Variants in RNF19A observed in about 807,000 individuals in gnomAD.
The protein encoded by RNF19A is ring finger protein 19A, RBR E3 ubiquitin protein ligase.
A neutral mutation model predicts 75.7 loss-of-function variants in RNF19A; 32 were observed. That is an observed-to-expected ratio of 0.42 (90% confidence interval 0.32 to 0.57). RNF19A has a LOEUF of 0.57. Ranked by LOEUF, RNF19A falls within the 20% of genes least tolerant of loss-of-function variation. The probability of loss-of-function intolerance (pLI) is 0.10; values close to 1 mark genes in which losing one functional copy is unlikely to be tolerated. For missense variants in RNF19A, 782 were observed against 1,036.3 expected, an observed-to-expected ratio of 0.75 and a Z score of 3.37; for synonymous variants, 335 against 345.2, an observed-to-expected ratio of 0.97 and a Z score of 0.33.
chr8:100,267,820 A>C (rs147572807), intron 5 of RNF19A, among the ~76,000 whole-genome samples: 2,644 of 151,022 alleles, frequency 0.018, 40 homozygotes, highest in Non-Finnish European at 0.029. Flanking sequence ...GATTACAGGC[A>C]CCTGCCACCA....
At position 100,287,989 on chromosome 8, in the gene RNF19A, T is replaced by C; in HGVS notation, c.186A>G (p.Lys62=). The part of the protein sequence containing the change: ...SLPSVKKAPK[K]RRISIGSLFR... ...ACAGGGAGCCTATTGAAATTCTTCTTTTTTTGGGTGCCTTTTTGACTGAAG... is the reference window on the plus strand; with the variant it reads ...ACAGGGAGCCTATTGAAATTCTTCTCTTTTTGGGTGCCTTTTTGACTGAAG... Residue 62 remains lysine, a synonymous_variant, in exon 2 of 10, where the codon AAA becomes AAG. Transcript: ENST00000341084. The surrounding 1 kb of genome is among the most constrained non-coding windows in gnomAD (Gnocchi z 4.1). 2 of 1,614,160 alleles carry C rather than the reference T, an allele frequency of 1.2e-6. No homozygotes were observed.
chr8:100,279,705 T>C (rs371272682), intron 2 of RNF19A, among the ~76,000 whole-genome samples: 100 of 152,112 alleles, frequency 6.6e-4, no homozygotes, highest in African/African-American at 2.4e-3. Flanking sequence ...TTTTGTATCT[T>C]TAGTAGACAC....
chr8:100,281,226 G>T (rs1376060291), intron 2 of RNF19A, among the ~76,000 whole-genome samples: 1 of 152,204 alleles, frequency 6.6e-6, no homozygotes, highest in Non-Finnish European at 1.5e-5. Context: ...GGCTGAAACA[G>T]CAGTCTCTCC....
intron 1 of RNF19A, among the ~76,000 whole-genome samples, chr8:100,307,958 C>T (rs1193084028): frequency 6.6e-6 from 1 of 152,082 alleles, no homozygotes; most frequent in African/African-American, 2.4e-5. Context: ...GTTTAAAAAT[C>T]CCAACACTGT....
Position 100,264,565 on chromosome 8 carries a change from T to C in RNF19A, c.1306+106A>G, listed in dbSNP as rs551260047. On this transcript the variant is annotated intron_variant, in intron 6 of 9. Coordinates refer to ENST00000341084, the MANE Select transcript of RNF19A (RefSeq NM_183419.4). This position sits in a 1 kb window ranked among gnomAD's most constrained non-coding sequence, Gnocchi z 4.7. ...CTTTCAACCAAGACTTACTGCAGGC[T>C]CAATTTAAATTGTCCTCAAATTAAA... 11 of 743,580 alleles carry C rather than the reference T, an allele frequency of 1.5e-5. No individual in the cohort carries two copies. The South Asian group carries it at 1.9e-4, about 13-fold the overall frequency. The allele number at this position is 743,580 out of a possible 1,614,324, so 46.1% of individuals were successfully genotyped here. A position where few individuals can be genotyped will look rare whatever the true frequency, so the allele number is the denominator to read the frequency against.
chr8:100,284,448 T>G lies in RNF19A; in HGVS notation c.674+3053A>C, dbSNP rs1820924093. ...ATAAAATACACAAAAGTAATCTCTG[T>G]GACTTTTTTTCCTCTGTCCTTTGTG... On this transcript the variant is annotated intron_variant, in intron 2 of 9. Coordinates refer to ENST00000341084, the MANE Select transcript of RNF19A (RefSeq NM_183419.4). This position sits in a 1 kb window ranked among gnomAD's most constrained non-coding sequence, Gnocchi z 4.3. Among the ~76,000 whole-genome samples the G allele has an allele frequency of 6.6e-6, 1 of 152,170 alleles. No individual in the cohort carries two copies. Among genetic ancestry groups the G allele is most frequent in the African/African-American group, 2.4e-5 (1 of 41,458 alleles).
upstream of RNF19A, among the ~76,000 whole-genome samples, chr8:100,312,905 G>C (rs1822322085): frequency 6.6e-6 from 1 of 152,180 alleles, no homozygotes; most frequent in Non-Finnish European, 1.5e-5. Context: ...CTGGGCAATA[G>C]AGCGAGACTC....
upstream of RNF19A, among the ~76,000 whole-genome samples, chr8:100,310,935 C>A (rs550368284): frequency 3.3e-4 from 51 of 152,288 alleles, no homozygotes; most frequent in Admixed American, 2.5e-3. Context: ...GTTGAATAAA[C>A]AAATTCCGTC....
chr8:100,309,591 C>T lies in RNF19A; in HGVS notation c.-94+276G>A, dbSNP rs1312950685. 7 of 966,312 alleles carry T rather than the reference C, an allele frequency of 7.2e-6. No homozygotes were observed. In the East Asian group the frequency reaches 3.4e-4, roughly 48 times the overall value. 59.9% of individuals were successfully genotyped at this position (966,312 alleles called of 1,614,324 possible). ...AGGACAGGGCTTGGGGCGGATCCCA[C>T]GCTCCACCTCGGCCCCCGCGGCCCG... is the stretch of plus-strand genomic sequence containing the variant. On this transcript the variant is annotated intron_variant, in intron 1 of 9. Coordinates refer to ENST00000341084, the MANE Select transcript of RNF19A (RefSeq NM_183419.4).
intron 3 of RNF19A, among the ~76,000 whole-genome samples, chr8:100,271,183 G>T: frequency 6.7e-6 from 1 of 149,368 alleles, no homozygotes; most frequent in African/African-American, 2.5e-5. Flanking sequence ...CTTAAGATCT[G>T]GTCAATGCTC....
intron 5 of RNF19A, 47 bp downstream of exon 5, chr8:100,268,738 A>G (rs1205620733): frequency 1.5e-6 from 2 of 1,336,638 alleles, no homozygotes; most frequent in Non-Finnish European, 2.0e-6. Context: ...GAATACACCT[A>G]AAGATTTAGA....
intron 2 of RNF19A, among the ~76,000 whole-genome samples, chr8:100,276,700 G>T (rs1347960424): frequency 2.1e-5 from 3 of 139,700 alleles, no homozygotes; most frequent in Non-Finnish European, 4.5e-5. Flanking sequence ...AGGCTGCAGT[G>T]AGCCAAGATC....
rs1422187377 is a variant in RNF19A, at chr8:100,325,563, C to T, written c.-243+10545G>A. Among the ~76,000 whole-genome samples, 1 of 152,132 alleles carries T rather than the reference C, an allele frequency of 6.6e-6. No individual in the cohort carries two copies. Among genetic ancestry groups the T allele is most frequent in the Non-Finnish European group, 1.5e-5 (1 of 68,022 alleles). ...AGGAATTTGGATCTAGTTCTCTGCC[C>T]TCAGCAGCACCACACCTCTAGCCTA... On this transcript the variant is annotated intron_variant, in intron 1 of 3. Transcript: ENST00000519527. This position sits in a 1 kb window ranked among gnomAD's most constrained non-coding sequence, Gnocchi z 4.3.
chr8:100,259,376 G>A lies in RNF19A; in HGVS notation c.1827-130C>T. The A allele has an allele frequency of 1.5e-6, 1 of 680,822 alleles. No homozygotes were observed. The highest frequency in any genetic ancestry group is 2.5e-6 in the Non-Finnish European group (1 of 404,926). 42.2% of individuals were successfully genotyped at this position (680,822 alleles called of 1,614,324 possible). On this transcript the variant is annotated intron_variant, in intron 9 of 9. Transcript: ENST00000341084. This position sits in a 1 kb window ranked among gnomAD's most constrained non-coding sequence, Gnocchi z 4.5. ...ATGAGAACACCTTAACGCAGAACAC[G>A]TTCTACTTAAAAAACATACTTGATA...
rs772588450 is a variant in RNF19A, at chr8:100,259,082, G to A, written c.1991C>T (p.Ser664Phe). The change falls in exon 10 of 10, where the codon TCC becomes TTC. Residue 664 changes from serine (S) to phenylalanine (F), a missense_variant. Transcript: ENST00000341084. This position sits in a 1 kb window ranked among gnomAD's most constrained non-coding sequence, Gnocchi z 4.5. The stretch of plus-strand genomic sequence containing the variant: ...TTTTTTCCCTGCTGTTGCTTCTTTG[G>A]ACCACTTGGTGGCACTAGATTTACC... Reference protein sequence around the residue: ...PEGKSSATKWSKEATAGKKSK... With the variant: ...PEGKSSATKWFKEATAGKKSK... The A allele has an allele frequency of 6.2e-7, 1 of 1,613,880 alleles. No homozygotes were observed. Among genetic ancestry groups the A allele is most frequent in the Non-Finnish European group, 8.5e-7 (1 of 1,179,990 alleles).
upstream of RNF19A, among the ~76,000 whole-genome samples, chr8:100,311,126 CAA>C (rs1563871184): frequency 6.6e-6 from 1 of 152,206 alleles, no homozygotes; most frequent in African/African-American, 2.4e-5. Flanking sequence ...AAATTAGAAA[CAA>C]ACCAAGGAGC....
In RNF19A at chr8:100,257,154, A is replaced by AT. The variant is rs1343737929; in HGVS notation, c.*1401dup. On this transcript the variant is annotated 3_prime_UTR_variant, in exon 10 of 10. Coordinates refer to ENST00000341084, the MANE Select transcript of RNF19A (RefSeq NM_183419.4). ...GAATGCAAACAAATATACAAATACC[A>AT]TAAGCATTATCAAATAAAATAACTG... 2 of 152,660 alleles carry AT rather than the reference A, an allele frequency of 1.3e-5. No homozygotes were observed. Among genetic ancestry groups the AT allele is most frequent in the Non-Finnish European group, 2.9e-5 (2 of 68,032 alleles). The allele number at this position is 152,660 out of a possible 1,614,324, so 9.5% of individuals were successfully genotyped here.
rs1820918069 is a variant in RNF19A at position 100,284,320 on chromosome 8, T to C, written c.674+3181A>G. On this transcript the variant is annotated intron_variant, in intron 2 of 9. Coordinates refer to ENST00000341084, the MANE Select transcript of RNF19A (RefSeq NM_183419.4). This position sits in a 1 kb window ranked among gnomAD's most constrained non-coding sequence, Gnocchi z 4.3. ...TGAAGTATACATACAAATTTTATAT[T>C]ATTGGGTGACATTTTCTTCAAAACA... is the stretch of plus-strand genomic sequence containing the variant. 6.6e-6 allele frequency among the ~76,000 whole-genome samples: 1 copy of C among 152,154 alleles called. No homozygotes were observed. Among genetic ancestry groups the C allele is most frequent in the Non-Finnish European group, 1.5e-5 (1 of 67,994 alleles).
At position 100,257,805 on chromosome 8, in the gene RNF19A, T is replaced by C. The variant is rs1819525899; in HGVS notation, c.*751A>G. 2.6e-6 allele frequency: 1 copy of C among 385,772 alleles called. No individual in the cohort carries two copies. Among genetic ancestry groups the C allele is most frequent in the Non-Finnish European group, 4.6e-6 (1 of 218,028 alleles). The allele number at this position is 385,772 out of a possible 1,614,324, so 23.9% of individuals were successfully genotyped here. ...TTCCCCTTAGAGAAAGGTGGATTTT[T>C]TGTAATACTTATAACCTAATGGGAC... is the stretch of plus-strand genomic sequence containing the variant. On this transcript the variant is annotated 3_prime_UTR_variant, in exon 10 of 10. Transcript: ENST00000341084.
Sources: gnomAD v4.1 joint callset for allele counts (sites outside exome capture counted in the v4.1 genomes callset) on GRCh38, gnomAD v4.1.1 for gene constraint, Gnocchi (gnomAD v3.1) non-coding constraint, MANE v1.5 for transcripts, NCBI Gene and HGNC (gene_info 2026-07-23, HGNC 2026-07-21) for gene names.